The following ALDH9A1 variants were observed in gnomAD, a reference collection of about 807,000 sequenced individuals.
ALDH9A1 encodes aldehyde dehydrogenase 9 family member A1.
In ALDH9A1, 42 loss-of-function variants were observed where a neutral mutation model predicts 56.6. The observed-to-expected ratio is 0.74, with a 90% CI of 0.58 to 0.96. The LOEUF (loss-of-function observed/expected upper bound fraction) is 0.96. ALDH9A1 is among the 40% of genes least tolerant of loss of function. The pLI is 0.00. For synonymous variants in ALDH9A1, 242 were observed against 236.0 expected, an observed-to-expected ratio of 1.03 and a Z score of -0.23; for missense variants, 661 against 651.5, an observed-to-expected ratio of 1.01 and a Z score of -0.16.
rs763237167 is a variant in ALDH9A1, at chr1:165,669,399, A to G, written c.982T>C (p.Phe328Leu). 6.2e-7 allele frequency: 1 copy of G among 1,613,802 alleles called. No individual in the cohort carries two copies. Among genetic ancestry groups the G allele is most frequent in the Admixed American group, 1.7e-5 (1 of 59,952 alleles). The change falls in exon 7 of 11, where the codon TTT becomes CTT. Residue 328 changes from phenylalanine (F) to leucine (L), a missense_variant. Transcript: ENST00000354775. ...VFVQKEILDKFTEEVVKQTQR... is the reference protein window; with the variant it reads ...VFVQKEILDKLTEEVVKQTQR... Reference sequence around the variant, plus strand: ...GTCTGTTTCACCACTTCCTCTGTAAATTTATCAAGAATTTCTTTCTGCACA... The same window carrying G: ...GTCTGTTTCACCACTTCCTCTGTAAGTTTATCAAGAATTTCTTTCTGCACA...
intron 6 of ALDH9A1, among the ~76,000 whole-genome samples, chr1:165,675,248 G>GCTCTCT (rs34495301): frequency 1.3e-5 from 2 of 150,488 alleles, no homozygotes; most frequent in Admixed American, 1.3e-4. Context: ...TATTTTTAGT[G>GCTCTCT]CTCTCTCTCT....
chr1:165,685,353 T>TA (rs1449911001), intron 2 of ALDH9A1, among the ~76,000 whole-genome samples: 3 of 152,206 alleles, frequency 2.0e-5, no homozygotes, highest in African/African-American at 7.2e-5. Flanking sequence ...TTATACTTAC[T>TA]AGTTATATGA....
intron 1 of ALDH9A1, among the ~76,000 whole-genome samples, chr1:165,697,619 G>T (rs1650131069): frequency 6.6e-6 from 1 of 152,156 alleles, no homozygotes; most frequent in East Asian, 1.9e-4. Flanking sequence ...ATCTGTGAGC[G>T]TTCCTTCATT....
chr1:165,663,642 C>G (rs1648911253), intron 10 of ALDH9A1, among the ~76,000 whole-genome samples: 1 of 152,194 alleles, frequency 6.6e-6, no homozygotes, highest in South Asian at 2.1e-4. Context: ...AGACACTGCC[C>G]AATTACTAGT....
At position 165,662,919 on chromosome 1, in the gene ALDH9A1, T is replaced by C. The variant is rs1558000048; in HGVS notation, c.*131A>G. 2 of 735,246 alleles carry C rather than the reference T, an allele frequency of 2.7e-6. No individual in the cohort carries two copies. The highest frequency in any genetic ancestry group is 5.0e-5 in the East Asian group (2 of 39,616). The allele number at this position is 735,246 out of a possible 1,614,324, so 45.5% of individuals were successfully genotyped here. A position where few individuals can be genotyped will look rare whatever the true frequency, so the allele number is the denominator to read the frequency against. On this transcript the variant is annotated 3_prime_UTR_variant, in exon 11 of 11. Transcript: ENST00000354775. ...GCTGATGGAGAGAGAAAGAGTAACA[T>C]GAACCATTCTCTTATACTGAACGCC...
chr1:165,686,181 T>G (rs1178571310), intron 2 of ALDH9A1, among the ~76,000 whole-genome samples: 2 of 152,056 alleles, frequency 1.3e-5, no homozygotes, highest in African/African-American at 4.8e-5. Flanking sequence ...TTTTCAGACA[T>G]CAGACATTAA....
In ALDH9A1 at chr1:165,689,618, C is replaced by T. The variant is rs978993092; in HGVS notation, c.327+5634G>A. ...GTTCTCATCCCATCCCCTCACTCAC[C>T]GTGGTGACCGGTGCTTTGAAAACAA... On this transcript the variant is annotated intron_variant, in intron 2 of 10. Transcript: ENST00000354775. 5.9e-5 allele frequency among the ~76,000 whole-genome samples: 9 copies of T among 152,238 alleles called. No individual in the cohort carries two copies. The South Asian group carries it at 8.3e-4, about 14-fold the overall frequency.
At chr1:165,690,276 A>G (rs1018685286) in intron 2 of ALDH9A1, among the ~76,000 whole-genome samples, 1 of 151,694 alleles carries the variant, frequency 6.6e-6, no homozygotes, top group East Asian at 2.0e-4. Context: ...AAACTCTCAG[A>G]CCCGTCACAG....
intron 9 of ALDH9A1, among the ~76,000 whole-genome samples, chr1:165,665,869 A>G (rs1270644118): frequency 6.6e-6 from 1 of 152,192 alleles, no homozygotes; most frequent in Non-Finnish European, 1.5e-5. Flanking sequence ...AAAGTTAAAC[A>G]TAAAGTTACC....
chr1:165,692,616 T>C (rs1274268443), intron 2 of ALDH9A1, among the ~76,000 whole-genome samples: 2 of 152,202 alleles, frequency 1.3e-5, no homozygotes, highest in Non-Finnish European at 2.9e-5. Context: ...GAAGAATCAA[T>C]ATCGCAAAAA....
chr1:165,692,412 C>T (rs1201044724), intron 2 of ALDH9A1, among the ~76,000 whole-genome samples: 1 of 152,200 alleles, frequency 6.6e-6, no homozygotes, highest in Non-Finnish European at 1.5e-5. Flanking sequence ...CATTCCTATA[C>T]ACCAATAACA....
chr1:165,669,093 A>G (rs1649093352), intron 7 of ALDH9A1, 80 bp from the exon 8 acceptor site: 4 of 1,387,040 alleles, frequency 2.9e-6, no homozygotes, highest in African/African-American at 1.4e-5. Flanking sequence ...TGTATCCCGA[A>G]CAAACACATA....
intron 4 of ALDH9A1, 22 bp downstream of exon 4, chr1:165,682,085 T>C (rs1196195376): frequency 1.2e-6 from 2 of 1,613,158 alleles, no homozygotes. Context: ...GGCTCTCAAA[T>C]GGAGGGATAA....
At chr1:165,671,448 C>T in intron 6 of ALDH9A1, 1 of 442,868 alleles carries the variant, frequency 2.3e-6, no homozygotes, top group Non-Finnish European at 4.4e-6. Flanking sequence ...GAGAGATTCA[C>T]ATGATGCTGC....
In ALDH9A1 at chr1:165,663,028, C is replaced by T. The variant is rs1648892091; in HGVS notation, c.*22G>A. ...ACATCATTCCACAGCGTGGCCATGT[C>T]AATAGGTTTCACTGCAGGTTTTCAA... On this transcript the variant is annotated 3_prime_UTR_variant, in exon 11 of 11. Coordinates refer to ENST00000354775, the MANE Select transcript of ALDH9A1 (RefSeq NM_000696.4). 6.2e-7 allele frequency: 1 copy of T among 1,603,464 alleles called. No homozygotes were observed. The highest frequency in any genetic ancestry group is 1.3e-5 in the African/African-American group (1 of 74,666).
chr1:165,665,352 C>A (rs1648975861), intron 9 of ALDH9A1: 1 of 485,268 alleles, frequency 2.1e-6, no homozygotes, highest in Admixed American at 3.3e-5. Flanking sequence ...AATAAGGGTA[C>A]CAAAATTCAA....
chr1:165,683,091 G>A lies in ALDH9A1; in HGVS notation c.347C>T (p.Ala116Val). The A allele has an allele frequency of 1.2e-6, 2 of 1,613,970 alleles. No individual in the cohort carries two copies. The highest frequency in any genetic ancestry group is 1.1e-5 in the South Asian group (1 of 91,080). Reference sequence around the variant, plus strand: ...GCCATTGTTGATGCACTCCATAGTAGCAATTTCATCCTCCCGTTCCTTTGG... The same window carrying A: ...GCCATTGTTGATGCACTCCATAGTAACAATTTCATCCTCCCGTTCCTTTGG... Reference protein sequence around the residue: ...RIIREREDEIATMECINNGKS... With the variant: ...RIIREREDEIVTMECINNGKS... Residue 116 changes from alanine (A) to valine (V), a missense_variant, in exon 3 of 11, where the codon GCT (alanine) becomes GTT (valine). Coordinates refer to ENST00000354775, the MANE Select transcript of ALDH9A1 (RefSeq NM_000696.4).
chr1:165,665,291 G>A (rs1205298286), intron 9 of ALDH9A1, 161 bp from the exon 10 acceptor site: 2 of 625,258 alleles, frequency 3.2e-6, no homozygotes, highest in African/African-American at 1.8e-5. Flanking sequence ...AACAGATATG[G>A]ATTGGGTTTT....
chr1:165,683,102 C>T lies in ALDH9A1; in HGVS notation c.336G>A (p.Glu112=). The T allele has an allele frequency of 1.2e-6, 2 of 1,613,954 alleles. No individual in the cohort carries two copies. The highest frequency in any genetic ancestry group is 1.1e-5 in the South Asian group (1 of 91,076). Reference sequence around the variant, plus strand: ...TGCACTCCATAGTAGCAATTTCATCCTCCCGTTCCTTTGGGTAAAGCAGAA... The same window carrying T: ...TGCACTCCATAGTAGCAATTTCATCTTCCCGTTCCTTTGGGTAAAGCAGAA... The part of the protein sequence containing the change: ...LEAARIIRER[E]DEIATMECIN... Residue 112 remains glutamate, a synonymous_variant, in exon 3 of 11, where the codon GAG becomes GAA. Transcript: ENST00000354775.
Sources: allele counts gnomAD v4.1 joint callset (sites outside exome capture counted in the v4.1 genomes callset), GRCh38; gene constraint gnomAD v4.1.1; transcripts MANE v1.5; gene names NCBI Gene and HGNC (gene_info 2026-07-23, HGNC 2026-07-21).